The following ASPSCR1 variants were observed in gnomAD, a reference collection of about 807,000 sequenced individuals.
The protein encoded by ASPSCR1 is ASPSCR1 tether for SLC2A4, UBX domain containing, also known as tether containing UBX domain for GLUT4.
Under a neutral mutation model 68.9 loss-of-function variants are expected in ASPSCR1, and 55 were observed. The observed-to-expected ratio is 0.80, with a 90% CI of 0.64 to 1.00. The LOEUF (loss-of-function observed/expected upper bound fraction) is 1.00, where lower values mean the gene tolerates loss of function less well. Ranked by LOEUF, ASPSCR1 falls within the 50% of genes least tolerant of loss-of-function variation. ASPSCR1 has a pLI of 0.00. For missense variants in ASPSCR1, 765 were observed against 762.2 expected (o/e 1.00, Z -0.04); for synonymous variants, 352 against 332.6 (o/e 1.06, Z -0.63).
At position 81,996,836 on chromosome 17, in the gene ASPSCR1, AGCGG is replaced by A. The variant is rs1267586754; in HGVS notation, c.925_928del (p.Arg309SerfsTer38). On this transcript the variant is annotated frameshift_variant, in exon 7 of 16. Coordinates refer to ENST00000306739, the MANE Select transcript of ASPSCR1 (RefSeq NM_024083.4). LOFTEE classifies it high-confidence loss of function. ...GAGCGGGATCCCCAGCAGGAGCAGG[AGCGG>A]GAGCGGGTAAAAGGGGCTCTAGGCC... The A allele has an allele frequency of 6.3e-7, 1 of 1,598,118 alleles. No individual in the cohort carries two copies. Among genetic ancestry groups the A allele is most frequent in the Non-Finnish European group, 8.5e-7 (1 of 1,173,998 alleles).
At chr17:82,004,681 C>A (rs1279242975) in intron 7 of ASPSCR1, 1 of 152,258 alleles carries the variant, frequency 6.6e-6, no homozygotes, top group Non-Finnish European at 1.5e-5. Context: ...ACACACAGCC[C>A]CTGTGAAAGT....
At chr17:82,015,757 T>G (rs547347412) in intron 12 of ASPSCR1, 1 of 241,332 alleles carries the variant, frequency 4.1e-6, no homozygotes, top group East Asian at 9.6e-5. Context: ...TGGCAGCTCC[T>G]GGCGCTGTCC....
rs545716070 is a variant in ASPSCR1 at position 81,987,098 on chromosome 17, C to A, written c.374+1491C>A. Among the ~76,000 whole-genome samples, 2 of 150,790 alleles carry A rather than the reference C, an allele frequency of 1.3e-5. No homozygotes were observed. The highest frequency in any genetic ancestry group is 3.9e-4 in the East Asian group (2 of 5,166). On this transcript the variant is annotated intron_variant, in intron 4 of 15. Transcript: ENST00000306739. This position sits in a 1 kb window ranked among gnomAD's most constrained non-coding sequence, Gnocchi z 5.6. ...GACGGAGCCTAAGAGCAAAGCGAAG[C>A]CACGGGCAGGGGTGAGCGGGACCCG...
At position 81,995,219 on chromosome 17, in the gene ASPSCR1, C is replaced by G. The variant is rs60666195; in HGVS notation, c.432+341C>G. 2,153 of 462,264 alleles carry G rather than the reference C, an allele frequency of 4.7e-3. 33 individuals are homozygous for G. The highest frequency in any genetic ancestry group is 0.039 in the African/African-American group (1,933 of 49,244). The allele number at this position is 462,264 out of a possible 1,614,324, so 28.6% of individuals were successfully genotyped here. A position where few individuals can be genotyped will look rare whatever the true frequency, so the allele number is the denominator to read the frequency against. On this transcript the variant is annotated intron_variant, in intron 5 of 15. Coordinates refer to ENST00000306739, the MANE Select transcript of ASPSCR1 (RefSeq NM_024083.4). ...CAAAGCCCGCCGTGGCGGGACCCTC[C>G]TAGCGCTCGTCCCTGGCCTCACAGG...
In ASPSCR1 at chr17:81,983,032, C is replaced by T. The variant is rs1430709406; in HGVS notation, c.159-522C>T. On this transcript the variant is annotated intron_variant, in intron 2 of 15. Coordinates refer to ENST00000306739, the MANE Select transcript of ASPSCR1 (RefSeq NM_024083.4). The surrounding 1 kb of genome is among the most constrained non-coding windows in gnomAD (Gnocchi z 4.4). ...GATATTTTTGTATTTTCAGTAGAGA[C>T]GGGGTTTCACCATGTTGGTCAGGCT... Among the ~76,000 whole-genome samples, 5 of 152,250 alleles carry T rather than the reference C, an allele frequency of 3.3e-5. No homozygotes were observed. Among genetic ancestry groups the T allele is most frequent in the Admixed American group, 6.5e-5 (1 of 15,272 alleles).
chr17:81,978,876 G>C (rs1042868108), intron 1 of ASPSCR1: 1 of 456,364 alleles, frequency 2.2e-6, no homozygotes, highest in Non-Finnish European at 4.0e-6. Context: ...CAGAACTACA[G>C]GGTTTGAAGG....
At chr17:82,010,780 C>T in intron 9 of ASPSCR1, 22 bp from the exon 10 acceptor site, 1 of 1,611,544 alleles carries the variant, frequency 6.2e-7, no homozygotes. Context: ...GTCCCTCCAA[C>T]CCTTCCACTT....
At chr17:82,011,634 G>A (rs1205421547) in intron 11 of ASPSCR1, 29 bp downstream of exon 11, 1 of 1,601,750 alleles carries the variant, frequency 6.2e-7, no homozygotes, top group Admixed American at 1.7e-5. Flanking sequence ...GCCCACTCCT[G>A]CCTCCAGTGC....
In ASPSCR1 at chr17:81,986,114, C is replaced by A. The variant is rs1177045692; in HGVS notation, c.374+507C>A. Among the ~76,000 whole-genome samples the A allele has an allele frequency of 1.3e-5, 2 of 152,104 alleles. No individual in the cohort carries two copies. The highest frequency in any genetic ancestry group is 4.8e-5 in the African/African-American group (2 of 41,410). ...CTCCTGTGCCCCACCAGAAAATCTT[C>A]CTAATAGTAATTGGATGGCTGGGCA... On this transcript the variant is annotated intron_variant, in intron 4 of 15. Transcript: ENST00000306739. This position sits in a 1 kb window ranked among gnomAD's most constrained non-coding sequence, Gnocchi z 5.2.
intron 2 of ASPSCR1, among the ~76,000 whole-genome samples, chr17:81,980,037 C>A (rs908146493): frequency 4.6e-5 from 7 of 152,192 alleles, no homozygotes; most frequent in African/African-American, 1.7e-4. Flanking sequence ...GGCTGGAGTG[C>A]AGTGGCACGG....
chr17:82,015,022 T>C (rs772117213), intron 12 of ASPSCR1: 17 of 1,528,064 alleles, frequency 1.1e-5, no homozygotes, highest in Non-Finnish European at 1.4e-5. Context: ...CAAAGGCCCT[T>C]CCCGGGCCCT....
chr17:82,011,371 C>T (rs531487968), intron 10 of ASPSCR1, among the ~76,000 whole-genome samples, 172 bp from the exon 11 acceptor site: 141 of 152,250 alleles, frequency 9.3e-4, no homozygotes, highest in Middle Eastern at 3.4e-3. Flanking sequence ...AAGTGTGGCC[C>T]GCACGGTGGC....
At chr17:82,011,022 A>G (rs1179145993) in intron 10 of ASPSCR1, among the ~76,000 whole-genome samples, 154 bp downstream of exon 10, 1 of 152,196 alleles carries the variant, frequency 6.6e-6, no homozygotes, top group Non-Finnish European at 1.5e-5. Context: ...TTGGGGGTGC[A>G]GAGGCATCCC....
rs869273858 is a variant in ASPSCR1 at position 81,999,626 on chromosome 17, CAA to C, written c.933+2797_933+2798del. 3.1e-4 allele frequency among the ~76,000 whole-genome samples: 22 copies of C among 71,992 alleles called. No individual in the cohort carries two copies. Among genetic ancestry groups the C allele is most frequent in the Admixed American group, 6.2e-4 (4 of 6,452 alleles). 47.2% of individuals were successfully genotyped at this position (71,992 alleles called of 152,430 possible). A position where few individuals can be genotyped will look rare whatever the true frequency, so the allele number is the denominator to read the frequency against. On this transcript the variant is annotated intron_variant, in intron 7 of 15. Transcript: ENST00000306739. The surrounding 1 kb of genome is among the most constrained non-coding windows in gnomAD (Gnocchi z 4.4). ...CGGGTGACAGAGTGAAACTCCATCT[CAA>C]AAAAAAAAAAAAAAAAGAAAACAAG...
intron 4 of ASPSCR1, among the ~76,000 whole-genome samples, chr17:81,992,017 C>T (rs534130712): frequency 9.8e-5 from 15 of 152,360 alleles, no homozygotes; most frequent in South Asian, 2.1e-4. Flanking sequence ...CTGGCCGTCC[C>T]GCTGGCTTCT....
Position 81,987,091 on chromosome 17 carries a change from AGCGAAGCCACGGGCAGGG to A in ASPSCR1, c.374+1486_374+1503del, listed in dbSNP as rs1223237598. 1.0e-4 allele frequency among the ~76,000 whole-genome samples: 14 copies of A among 136,336 alleles called. No individual in the cohort carries two copies. Among genetic ancestry groups the A allele is most frequent in the African/African-American group, 3.5e-4 (12 of 34,556 alleles). 89.4% of individuals were successfully genotyped at this position (136,336 alleles called of 152,430 possible). A position where few individuals can be genotyped will look rare whatever the true frequency, so the allele number is the denominator to read the frequency against. ...AGGAGATGACGGAGCCTAAGAGCAA[AGCGAAGCCACGGGCAGGG>A]GTGAGCGGGACCCGAGGCAGGAGGT... On this transcript the variant is annotated intron_variant, in intron 4 of 15. Coordinates refer to ENST00000306739, the MANE Select transcript of ASPSCR1 (RefSeq NM_024083.4). This position sits in a 1 kb window ranked among gnomAD's most constrained non-coding sequence, Gnocchi z 5.6.
rs540975553 is a variant in ASPSCR1, at chr17:81,983,943, C to T, written c.273+275C>T. On this transcript the variant is annotated intron_variant, in intron 3 of 15. Transcript: ENST00000306739. The surrounding 1 kb of genome is among the most constrained non-coding windows in gnomAD (Gnocchi z 4.4). Reference sequence around the variant, plus strand: ...CGCAGTCTCGGCTCACTTCAAGCTCCGCCTCCCGGGTTCACACCATTCTGC... The same window carrying T: ...CGCAGTCTCGGCTCACTTCAAGCTCTGCCTCCCGGGTTCACACCATTCTGC... 6.6e-5 allele frequency among the ~76,000 whole-genome samples: 10 copies of T among 151,994 alleles called. No individual in the cohort carries two copies. Among genetic ancestry groups the T allele is most frequent in the East Asian group, 5.8e-4 (3 of 5,140 alleles).
chr17:81,989,009 A>G (rs1241230802), intron 4 of ASPSCR1, among the ~76,000 whole-genome samples: 2 of 151,912 alleles, frequency 1.3e-5, no homozygotes, highest in Non-Finnish European at 2.9e-5. Flanking sequence ...GGAGTTTGAG[A>G]CCAGCCTGGC....
rs1372070059 is a variant in ASPSCR1, at chr17:81,984,655, G to T, written c.274-852G>T. On this transcript the variant is annotated intron_variant, in intron 3 of 15. Coordinates refer to ENST00000306739, the MANE Select transcript of ASPSCR1 (RefSeq NM_024083.4). ...GGGTCAGGAATCTGGGAGCAGCTTA[G>T]CTCAGTGTCTGTCCTGAGGCTGCAG... 2.6e-5 allele frequency among the ~76,000 whole-genome samples: 4 copies of T among 151,880 alleles called. No homozygotes were observed. The East Asian group carries it at 7.7e-4, about 29-fold the overall frequency.
Sources: gnomAD v4.1 joint callset for allele counts (sites outside exome capture counted in the v4.1 genomes callset) on GRCh38, gnomAD v4.1.1 for gene constraint, Gnocchi (gnomAD v3.1) non-coding constraint, MANE v1.5 for transcripts, NCBI Gene and HGNC (gene_info 2026-07-23, HGNC 2026-07-21) for gene names.